The following FBXO38 variants were observed in gnomAD, a reference collection of about 807,000 sequenced individuals.
FBXO38 encodes F-box protein 38.
A neutral mutation model predicts 131.9 loss-of-function variants in FBXO38; 53 were observed. The ratio of observed to expected loss-of-function variants is 0.40; its 90% CI spans 0.32 to 0.51. The LOEUF (loss-of-function observed/expected upper bound fraction) is 0.51, where lower values mean the gene tolerates loss of function less well. Ranked by LOEUF, FBXO38 falls within the 20% of genes least tolerant of loss-of-function variation. FBXO38 has a pLI of 0.53. For missense variants in FBXO38, 1,076 were observed against 1,475.6 expected, an observed-to-expected ratio of 0.73 and a Z score of 4.44; for synonymous variants, 452 against 505.6, an observed-to-expected ratio of 0.89 and a Z score of 1.42.
chr5:148,400,057 G>C (rs1453227013), intron 3 of FBXO38, among the ~76,000 whole-genome samples: 1 of 152,062 alleles, frequency 6.6e-6, no homozygotes, highest in African/African-American at 2.4e-5. Context: ...CCTTTCAAGA[G>C]AGTCATCAAA....
intron 1 of FBXO38, among the ~76,000 whole-genome samples, chr5:148,389,323 G>C (rs1758075307): frequency 6.6e-6 from 1 of 152,172 alleles, no homozygotes; most frequent in Non-Finnish European, 1.5e-5. Context: ...CTGGAAAAAG[G>C]GCACCAATAA....
At chr5:148,437,479 A>C (rs1212284503) in intron 17 of FBXO38, among the ~76,000 whole-genome samples, 1 of 152,206 alleles carries the variant, frequency 6.6e-6, no homozygotes, top group Non-Finnish European at 1.5e-5. Context: ...AGATTGCACA[A>C]GACGATGATG....
chr5:148,424,440 T>C (rs1380540621), intron 13 of FBXO38, among the ~76,000 whole-genome samples: 1 of 152,216 alleles, frequency 6.6e-6, no homozygotes, highest in African/African-American at 2.4e-5. Flanking sequence ...AATATTCTGC[T>C]ATTGCCCTCC....
At chr5:148,407,979 G>A (rs1752534664) in intron 7 of FBXO38, among the ~76,000 whole-genome samples, 1 of 151,940 alleles carries the variant, frequency 6.6e-6, no homozygotes, top group African/African-American at 2.4e-5. Flanking sequence ...GGGAGAAGCT[G>A]TTTGCAATAC....
At chr5:148,425,750 C>T in intron 14 of FBXO38, 49 bp downstream of exon 14, 1 of 1,528,556 alleles carries the variant, frequency 6.5e-7, no homozygotes, top group Non-Finnish European at 9.0e-7. Context: ...ACTATCAGAA[C>T]TGACACACTT....
Position 148,406,297 on chromosome 5 carries a change from C to T in FBXO38, c.771C>T (p.Gly257=), listed in dbSNP as rs1581244170. Residue 257 remains glycine (G), a synonymous_variant, in exon 7 of 22, where the codon GGC becomes GGT. Transcript: ENST00000340253. ...TGAAATATGTCCCTTTAGTAACAGG[C>T]TTAGCCTCTGCCCGAAACTTGGAAC... is the stretch of plus-strand genomic sequence containing the variant. ...NSLKYVPLVT[G]LASARNLEHL... 1 of 1,609,098 alleles carries T rather than the reference C, an allele frequency of 6.2e-7. No homozygotes were observed. Among genetic ancestry groups the T allele is most frequent in the African/African-American group, 1.3e-5 (1 of 74,724 alleles).
In FBXO38 at chr5:148,438,977, G is replaced by A. The variant is rs191704532; in HGVS notation, c.3024+479G>A. On this transcript the variant is annotated intron_variant, in intron 18 of 21. Coordinates refer to ENST00000340253, the MANE Select transcript of FBXO38 (RefSeq NM_205836.3). Reference sequence around the variant, plus strand: ...CTTAATGCCAAAAGAGGGTTTAAAGGAAATTTTAAATGCCTCTTTGTAATC... The same window carrying A: ...CTTAATGCCAAAAGAGGGTTTAAAGAAAATTTTAAATGCCTCTTTGTAATC... Among the ~76,000 whole-genome samples, 343 of 152,228 alleles carry A rather than the reference G, an allele frequency of 2.3e-3. 3 individuals are homozygous for A. Among genetic ancestry groups the A allele is most frequent in the African/African-American group, 7.8e-3 (325 of 41,540 alleles).
chr5:148,437,803 T>C (rs538696198), intron 17 of FBXO38, among the ~76,000 whole-genome samples: 11 of 152,314 alleles, frequency 7.2e-5, no homozygotes, highest in African/African-American at 2.4e-4. Context: ...ATGTTCTGTG[T>C]CTACACTGTT....
At chr5:148,394,232 A>G (rs1349130717) in intron 1 of FBXO38, among the ~76,000 whole-genome samples, 2 of 152,144 alleles carry the variant, frequency 1.3e-5, no homozygotes, top group Non-Finnish European at 2.9e-5. Context: ...TTAAAGATTG[A>G]TGCAAGTTTA....
intron 1 of FBXO38, among the ~76,000 whole-genome samples, chr5:148,387,691 T>A (rs1757985217): frequency 8.8e-6 from 1 of 113,960 alleles, no homozygotes; most frequent in African/African-American, 4.0e-5. Flanking sequence ...AATTTATTTC[T>A]TTTTTTTTTT....
chr5:148,423,818 G>A, intron 12 of FBXO38, 180 bp from the exon 13 acceptor site: 2 of 505,648 alleles, frequency 4.0e-6, no homozygotes, highest in South Asian at 5.1e-5. Context: ...CCTGTAGACT[G>A]ATTAAATACT....
At chr5:148,415,855 C>G (rs892021549) in intron 10 of FBXO38, 73 bp from the exon 11 acceptor site, 39 of 1,483,410 alleles carry the variant, frequency 2.6e-5, no homozygotes, top group Non-Finnish European at 3.5e-5. Flanking sequence ...GTCTTTGTGA[C>G]CTGTATCAAA....
intron 9 of FBXO38, among the ~76,000 whole-genome samples, chr5:148,411,892 T>C (rs1277661817): frequency 1.3e-5 from 2 of 152,208 alleles, no homozygotes; most frequent in African/African-American, 4.8e-5. Context: ...AATGTCTGTA[T>C]AGTAACAAAA....
intron 12 of FBXO38, among the ~76,000 whole-genome samples, chr5:148,420,875 C>G (rs1484580473): frequency 6.6e-6 from 1 of 151,852 alleles, no homozygotes; most frequent in Non-Finnish European, 1.5e-5. Flanking sequence ...CCCAGGCGGT[C>G]TCAACTCCTG....
At position 148,425,601 on chromosome 5, in the gene FBXO38, T is replaced by C. The variant is rs1561537892; in HGVS notation, c.1818T>C (p.Ser606=). The change falls in exon 14 of 22, where the codon AGT becomes AGC. Residue 606 remains serine, a synonymous_variant. Coordinates refer to ENST00000340253, the MANE Select transcript of FBXO38 (RefSeq NM_205836.3). ...HDSESDDEED[S]LELQEVWIPK... Reference sequence around the variant, plus strand: ...CAGAGAGTGATGATGAAGAAGATAGTCTAGAACTCCAAGAAGTCTGGATTC... The same window carrying C: ...CAGAGAGTGATGATGAAGAAGATAGCCTAGAACTCCAAGAAGTCTGGATTC... 1 of 1,613,772 alleles carries C rather than the reference T, an allele frequency of 6.2e-7. No individual in the cohort carries two copies. The highest frequency in any genetic ancestry group is 8.5e-7 in the Non-Finnish European group (1 of 1,179,692).
intron 17 of FBXO38, among the ~76,000 whole-genome samples, chr5:148,436,881 A>T (rs994346993): frequency 1.1e-4 from 16 of 152,218 alleles, no homozygotes; most frequent in African/African-American, 3.9e-4. Flanking sequence ...TTCCTTTTAC[A>T]GTGGAGAACA....
intron 13 of FBXO38, 76 bp downstream of exon 13, chr5:148,424,193 GA>G: frequency 6.9e-7 from 1 of 1,440,014 alleles, no homozygotes; most frequent in South Asian, 1.3e-5. Context: ...GAGACAGCGA[GA>G]ATGATTGTTT....
At chr5:148,400,986 A>T (rs1335669195) in intron 3 of FBXO38, among the ~76,000 whole-genome samples, 1 of 152,152 alleles carries the variant, frequency 6.6e-6, no homozygotes, top group African/African-American at 2.4e-5. Flanking sequence ...GAGACCAAGT[A>T]ATCTCTGGTC....
chr5:148,433,255 C>T, intron 15 of FBXO38, 169 bp from the exon 16 acceptor site: 1 of 568,774 alleles, frequency 1.8e-6, no homozygotes, highest in East Asian at 3.0e-5. Context: ...GAGGGTGATC[C>T]TGTTTTGAAA....
Sources: allele counts gnomAD v4.1 joint callset (sites outside exome capture counted in the v4.1 genomes callset), GRCh38; gene constraint gnomAD v4.1.1; transcripts MANE v1.5; gene names NCBI Gene and HGNC (gene_info 2026-07-23, HGNC 2026-07-21).